Variants in LEPR observed in about 807,000 individuals in gnomAD.
LEPR encodes OB receptor.
In LEPR, 56 loss-of-function variants were observed where a neutral mutation model predicts 114.7. The observed-to-expected ratio is 0.49, with a 90% confidence interval of 0.39 to 0.61. LEPR has a LOEUF of 0.61. Among genes scored for constraint, LEPR ranks in the 20% least tolerant of loss-of-function variants. LEPR has a pLI of 0.00. For missense variants in LEPR, 1,202 were observed against 1,352.9 expected (o/e 0.89, Z 1.75); for synonymous variants, 443 against 461.4 (o/e 0.96, Z 0.51).
chr1:65,460,819 G>A (rs1646935590), intron 2 of LEPR, among the ~76,000 whole-genome samples: 1 of 152,074 alleles, frequency 6.6e-6, no homozygotes, highest in Admixed American at 6.5e-5. Context: ...TCTGGTCTGG[G>A]TGACAGAGTG....
intron 2 of LEPR, among the ~76,000 whole-genome samples, chr1:65,502,153 G>A (rs1308371594): frequency 1.3e-5 from 2 of 152,220 alleles, no homozygotes; most frequent in Non-Finnish European, 2.9e-5. Context: ...GTATTTGGAG[G>A]TAGGGCCTTG....
chr1:65,544,544 C>A (rs1651500910), intron 2 of LEPR, among the ~76,000 whole-genome samples: 1 of 151,870 alleles, frequency 6.6e-6, no homozygotes, highest in Non-Finnish European at 1.5e-5. Flanking sequence ...ATGCTTCCAG[C>A]TTTTGCCCAT....
At chr1:65,438,685 A>G (rs930281694) in intron 2 of LEPR, among the ~76,000 whole-genome samples, 1 of 151,908 alleles carries the variant, frequency 6.6e-6, no homozygotes, top group African/African-American at 2.4e-5. Context: ...AATTAAGACA[A>G]TGTCAGGAAA....
At chr1:65,461,120 C>T (rs1481103036) in intron 2 of LEPR, among the ~76,000 whole-genome samples, 1 of 151,610 alleles carries the variant, frequency 6.6e-6, no homozygotes, top group African/African-American at 2.4e-5. Context: ...GGATTACAGG[C>T]GCCCGCCACC....
intron 19 of LEPR, chr1:65,635,382 G>C (rs1658681916): frequency 1.0e-6 from 1 of 984,350 alleles, no homozygotes; most frequent in African/African-American, 1.8e-5. Flanking sequence ...TGTTTGGCAG[G>C]ATTTTTCTTT....
At chr1:65,527,335 A>G (rs1213225254) in intron 2 of LEPR, among the ~76,000 whole-genome samples, 1 of 152,228 alleles carries the variant, frequency 6.6e-6, no homozygotes, top group Admixed American at 6.5e-5. Context: ...CCCAGAAAAT[A>G]GCAGAGATTA....
chr1:65,580,804 G>A (rs1349859723), intron 5 of LEPR, among the ~76,000 whole-genome samples: 1 of 152,192 alleles, frequency 6.6e-6, no homozygotes, highest in East Asian at 1.9e-4. Context: ...GGGATATCCA[G>A]CCCAGGTGAA....
rs151030821 is a variant in LEPR at position 65,640,669 on chromosome 1, G to A, written c.*3654G>A. On this transcript the variant is annotated 3_prime_UTR_variant, in exon 20 of 20. Coordinates refer to ENST00000349533, the MANE Select transcript of LEPR (RefSeq NM_002303.6). ...AACTTAAAACATGATCAGCCTGTAT[G>A]AGAACTGGGATATTGTTACATATTC... 468 of 151,992 alleles carry A rather than the reference G, an allele frequency of 3.1e-3. 2 individuals are homozygous for A. The highest frequency in any genetic ancestry group is 0.011 in the African/African-American group (446 of 41,470). The allele number at this position is 151,992 out of a possible 1,614,324, so 9.4% of individuals were successfully genotyped here. A position where few individuals can be genotyped will look rare whatever the true frequency, so the allele number is the denominator to read the frequency against.
intron 2 of LEPR, among the ~76,000 whole-genome samples, chr1:65,551,161 A>C (rs372674715): frequency 5.3e-5 from 8 of 152,198 alleles, no homozygotes; most frequent in African/African-American, 1.9e-4. Flanking sequence ...CATCAGGGAT[A>C]TTGGCCTGAA....
rs898880087 is a variant in LEPR at position 65,638,628 on chromosome 1, C to T, written c.*1613C>T. On this transcript the variant is annotated 3_prime_UTR_variant, in exon 20 of 20. Transcript: ENST00000349533. ...TGGCTATGAAGTGAGCAGTTCTAAA[C>T]AATGACAAAGATTCCAGACCCCACT... 1 of 152,178 alleles carries T rather than the reference C, an allele frequency of 6.6e-6. No homozygotes were observed. The highest frequency in any genetic ancestry group is 1.5e-5 in the Non-Finnish European group (1 of 68,030). 9.4% of individuals were successfully genotyped at this position (152,178 alleles called of 1,614,324 possible).
intron 2 of LEPR, among the ~76,000 whole-genome samples, chr1:65,447,738 C>T (rs1386707867): frequency 6.6e-6 from 1 of 151,874 alleles, no homozygotes; most frequent in Admixed American, 6.6e-5. Context: ...GGGTTTTTGC[C>T]ATGTTGCCCA....
Position 65,636,586 on chromosome 1 carries a change from T to G in LEPR, c.3069T>G (p.Ser1023=). ...GCAAAAATTCTCCGTTGAAGGATTC[T>G]TTCTCTAATAGCTCATGGGAGATAG... ...FSSKNSPLKD[S]FSNSSWEIEA... is the part of the protein sequence containing the mutation. The change falls in exon 20 of 20, where the codon TCT becomes TCG. Residue 1023 remains serine, a synonymous_variant. Coordinates refer to ENST00000349533, the MANE Select transcript of LEPR (RefSeq NM_002303.6). 1.9e-6 allele frequency: 3 copies of G among 1,614,146 alleles called. No individual in the cohort carries two copies. The highest frequency in any genetic ancestry group is 2.5e-6 in the Non-Finnish European group (3 of 1,180,004).
intron 2 of LEPR, among the ~76,000 whole-genome samples, chr1:65,471,068 G>C (rs945040718): frequency 6.6e-6 from 1 of 152,198 alleles, no homozygotes; most frequent in Non-Finnish European, 1.5e-5. Flanking sequence ...CTGATGACTG[G>C]TAACCAAGTA....
intron 2 of LEPR, among the ~76,000 whole-genome samples, chr1:65,535,471 C>T (rs1040380116): frequency 6.6e-6 from 1 of 151,614 alleles, no homozygotes. Flanking sequence ...TTCAAGCTAC[C>T]CTCCTGCCTC....
intron 10 of LEPR, among the ~76,000 whole-genome samples, chr1:65,603,698 G>GT (rs71736052): frequency 0.014 from 1,866 of 135,278 alleles, 26 homozygotes; most frequent in Middle Eastern, 0.04. Context: ...TTTGCAACTG[G>GT]TTTTTTTTTT....
chr1:65,491,118 A>T (rs1042145806), intron 2 of LEPR, among the ~76,000 whole-genome samples: 1 of 152,136 alleles, frequency 6.6e-6, no homozygotes, highest in African/African-American at 2.4e-5. Flanking sequence ...ATATGCAATT[A>T]TATATGTGGT....
Position 65,592,733 on chromosome 1 carries a change from C to A in LEPR, c.571C>A (p.His191Asn). 1.2e-6 allele frequency: 2 copies of A among 1,613,372 alleles called. No homozygotes were observed. The highest frequency in any genetic ancestry group is 1.7e-6 in the Non-Finnish European group (2 of 1,179,486). The change falls in exon 6 of 20, where the codon CAT becomes AAT. Residue 191 changes from histidine (H) to asparagine (N), a missense_variant. Physicochemically the swap from His to Asn is moderately conservative, Grantham distance 68. Coordinates refer to ENST00000349533, the MANE Select transcript of LEPR (RefSeq NM_002303.6). ...GATGGTTCACTGCAATTGCAGTGTTCATGAATGTTGTGAATGTCTTGTGCC... is the reference window on the plus strand; with the variant it reads ...GATGGTTCACTGCAATTGCAGTGTTAATGAATGTTGTGAATGTCTTGTGCC... Reference protein sequence around the residue: ...FQMVHCNCSVHECCECLVPVP... With the variant: ...FQMVHCNCSVNECCECLVPVP...
At chr1:65,606,528 T>C (rs1449314100) in intron 11 of LEPR, among the ~76,000 whole-genome samples, 1 of 152,216 alleles carries the variant, frequency 6.6e-6, no homozygotes, top group East Asian at 1.9e-4. Flanking sequence ...ACACAGGCAC[T>C]ATGTGTCTGT....
In LEPR at chr1:65,605,200, T is replaced by C. The variant is rs1656731928; in HGVS notation, c.1566T>C (p.Leu522=). The change falls in exon 11 of 20, where the codon CTT becomes CTC. Residue 522 remains leucine (L), a synonymous_variant. Coordinates refer to ENST00000349533, the MANE Select transcript of LEPR (RefSeq NM_002303.6). ...WIRINHSLGS[L]DSPPTCVLPD... is the part of the protein sequence containing the mutation. ...GGATCAATCACTCTCTAGGTTCACTTGACTCTCCACCAACATGTGTCCTTC... is the reference window on the plus strand; with the variant it reads ...GGATCAATCACTCTCTAGGTTCACTCGACTCTCCACCAACATGTGTCCTTC... The C allele has an allele frequency of 6.2e-7, 1 of 1,614,184 alleles. No homozygotes were observed. The highest frequency in any genetic ancestry group is 2.2e-5 in the East Asian group (1 of 44,866).
Sources: gnomAD v4.1 joint callset for allele counts (sites outside exome capture counted in the v4.1 genomes callset) on GRCh38, gnomAD v4.1.1 for gene constraint, MANE v1.5 for transcripts, NCBI Gene and HGNC (gene_info 2026-07-23, HGNC 2026-07-21) for gene names.